KLK14: variants seen among roughly 807,000 people sequenced by gnomAD.
KLK14 encodes the protein kallikrein related peptidase 14, also known as kallikrein-14.
KLK14 carries 21 observed loss-of-function variants against 24.6 expected under a neutral mutation model. The observed-to-expected ratio is 0.85, with a 90% CI of 0.61 to 1.23. The LOEUF is 1.23. Ranked by LOEUF, KLK14 falls within the 50% of genes most tolerant of loss-of-function variation. The pLI is 0.00. For missense variants in KLK14, 320 were observed against 338.9 expected (o/e 0.94, Z 0.44); for synonymous variants, 133 against 139.7 (o/e 0.95, Z 0.34).
At chr19:51,081,134 A>G (rs917944367) in intron 3 of KLK14, among the ~76,000 whole-genome samples, 3 of 152,216 alleles carry the variant, frequency 2.0e-5, no homozygotes, top group Admixed American at 6.5e-5. Context: ...ATTTATGGCT[A>G]GACTGCAGGT....
rs186402514 is a variant in KLK14, at chr19:51,081,499, C to A, written c.212+33G>T. 652 of 1,441,770 alleles carry A rather than the reference C, an allele frequency of 4.5e-4. 8 individuals carry two copies. In the East Asian group the frequency reaches 0.015, roughly 34 times the overall value. The allele number at this position is 1,441,770 out of a possible 1,614,324, so 89.3% of individuals were successfully genotyped here. ...CTAGGGCTTTAGACTCTGGAATTCA[C>A]TAGGTACAGGGACAGGGGAGGGGGT... is the stretch of plus-strand genomic sequence containing the variant. On this transcript the variant is annotated intron_variant, in intron 3 of 5. Coordinates refer to ENST00000650543, the MANE Select transcript of KLK14 (RefSeq NM_001369775.2).
intron 3 of KLK14, among the ~76,000 whole-genome samples, 164 bp from the exon 4 acceptor site, chr19:51,079,866 T>A (rs965273381): frequency 9.9e-5 from 15 of 152,108 alleles, no homozygotes; most frequent in Admixed American, 9.2e-4. Flanking sequence ...CCCTTCCCCA[T>A]GGCCAGGGCA....
At chr19:51,080,725 G>A (rs2091834441) in intron 3 of KLK14, among the ~76,000 whole-genome samples, 1 of 152,116 alleles carries the variant, frequency 6.6e-6, no homozygotes, top group Non-Finnish European at 1.5e-5. Context: ...CTAGCCTGGA[G>A]TGCAATGGTG....
In KLK14 at chr19:51,078,889, T is replaced by G; in HGVS notation, c.529A>C (p.Lys177Gln). Reference protein sequence around the residue: ...INISPDEVCQKAYPRTITPGM... With the variant: ...INISPDEVCQQAYPRTITPGM... ...GGCGTGATGGTTCTAGGATAGGCCT[T>G]CTGGCACACCTCATCCGGGGAGATG... The change falls in exon 5 of 6, where the codon AAG becomes CAG. Residue 177 changes from lysine to glutamine, a missense_variant. By Grantham distance (53) the Lys-to-Gln change is moderately conservative. Coordinates refer to ENST00000650543, the MANE Select transcript of KLK14 (RefSeq NM_001369775.2). This position sits in a 1 kb window ranked among gnomAD's most constrained non-coding sequence, Gnocchi z 5.0. 2 of 1,614,098 alleles carry G rather than the reference T, an allele frequency of 1.2e-6. No homozygotes were observed. Among genetic ancestry groups the G allele is most frequent in the South Asian group, 1.1e-5 (1 of 91,088 alleles).
chr19:51,079,406 C>T, intron 4 of KLK14, 43 bp downstream of exon 4: 1 of 1,548,800 alleles, frequency 6.5e-7, no homozygotes, highest in East Asian at 2.3e-5. Context: ...GACCCAGGAG[C>T]CCAGGCCCAG....
Position 51,082,696 on chromosome 19 carries a change from AGGCAGAGACAGCAAGG to A in KLK14, c.-23+10_-23+25del, listed in dbSNP as rs1431568578. 6.2e-7 allele frequency: 1 copy of A among 1,614,200 alleles called. No homozygotes were observed. Among genetic ancestry groups the A allele is most frequent in the South Asian group, 1.1e-5 (1 of 91,088 alleles). ...ACCTTCAACAGAACCGGGGGCTGAG[AGGCAGAGACAGCAAGG>A]GGCACTTACCCAGAGCCCAAGACCC... On this transcript the variant is annotated intron_variant, in intron 1 of 5. Coordinates refer to ENST00000650543, the MANE Select transcript of KLK14 (RefSeq NM_001369775.2).
downstream of KLK14, chr19:51,077,832 C>T: frequency 2.0e-6 from 1 of 488,286 alleles, no homozygotes; most frequent in Non-Finnish European, 3.4e-6. Context: ...GCCTGGACTC[C>T]TGGGTCTGAG....
At chr19:51,082,019 C>A (rs111811821) in intron 2 of KLK14, among the ~76,000 whole-genome samples, 1 of 152,026 alleles carries the variant, frequency 6.6e-6, no homozygotes, top group Admixed American at 6.6e-5. Flanking sequence ...GATCACTTCT[C>A]GAAATATGCC....
Position 51,082,785 on chromosome 19 carries a change from G to A in KLK14, c.-86C>T, listed in dbSNP as rs778341532. ...GAGAGGTAGGGACCAGAGACGAGGG[G>A]GGCGGGGCCTGCAGGCTCTGCGGGC... On this transcript the variant is annotated 5_prime_UTR_variant, in exon 1 of 6. Coordinates refer to ENST00000650543, the MANE Select transcript of KLK14 (RefSeq NM_001369775.2). The A allele has an allele frequency of 9.9e-6, 16 of 1,608,558 alleles. No homozygotes were observed. The highest frequency in any genetic ancestry group is 1.1e-5 in the Non-Finnish European group (13 of 1,177,814).
rs1307005032 is a variant in KLK14 at position 51,078,217 on chromosome 19, G to T, written c.604-58C>A. 1.3e-6 allele frequency: 2 copies of T among 1,565,764 alleles called. No individual in the cohort carries two copies. Among genetic ancestry groups the T allele is most frequent in the East Asian group, 2.3e-5 (1 of 44,032 alleles). On this transcript the variant is annotated intron_variant, in intron 5 of 5. Transcript: ENST00000650543. This position sits in a 1 kb window ranked among gnomAD's most constrained non-coding sequence, Gnocchi z 5.0. ...TGGACAGGTAGCCAGAGCCACCATG[G>T]CACAGAGAACCCGAGAAGCAGACAC... is the stretch of plus-strand genomic sequence containing the variant.
rs200505258 is a variant in KLK14, at chr19:51,078,909, G to A, written c.509C>T (p.Ser170Phe). The change falls in exon 5 of 6, where the codon TCC becomes TTC. Residue 170 changes from serine (S) to phenylalanine (F), a missense_variant. Ser to Phe is a radical substitution (Grantham distance 155, BLOSUM62 -2). Transcript: ENST00000650543. The surrounding 1 kb of genome is among the most constrained non-coding windows in gnomAD (Gnocchi z 5.0). ...GGCCTTCTGGCACACCTCATCCGGG[G>A]AGATGTTGATGTTCACGCATTGCAG... ...ASLQCVNINI[S>F]PDEVCQKAYP... The A allele has an allele frequency of 2.3e-4, 373 of 1,614,014 alleles. No individual in the cohort carries two copies. In the African/African-American group the frequency reaches 3.8e-3, roughly 16 times the overall value.
At position 51,078,267 on chromosome 19, in the gene KLK14, G is replaced by T; in HGVS notation, c.604-108C>A. Reference sequence around the variant, plus strand: ...CAGGGAGACAGGCAGAGACACTGGTGGACAGTTAGGGACACAGTCCTGCCC... The same window carrying T: ...CAGGGAGACAGGCAGAGACACTGGTTGACAGTTAGGGACACAGTCCTGCCC... On this transcript the variant is annotated intron_variant, in intron 5 of 5. Coordinates refer to ENST00000650543, the MANE Select transcript of KLK14 (RefSeq NM_001369775.2). The surrounding 1 kb of genome is among the most constrained non-coding windows in gnomAD (Gnocchi z 5.0). The T allele has an allele frequency of 8.7e-7, 1 of 1,154,172 alleles. No homozygotes were observed. 71.5% of individuals were successfully genotyped at this position (1,154,172 alleles called of 1,614,324 possible). A position where few individuals can be genotyped will look rare whatever the true frequency, so the allele number is the denominator to read the frequency against.
chr19:51,077,997 G>A lies in KLK14; in HGVS notation c.*10C>T, dbSNP rs16988877. The A allele has an allele frequency of 0.015, 23,406 of 1,612,228 alleles. 1,218 individuals are homozygous for A. In the African/African-American group the frequency reaches 0.15, roughly 10 times the overall value. ...GGCAGCTGACGAGGTCCATCCCACC[G>A]TGAAGACCATCATTTGTCCCGCATC... On this transcript the variant is annotated 3_prime_UTR_variant, in exon 6 of 6. Coordinates refer to ENST00000650543, the MANE Select transcript of KLK14 (RefSeq NM_001369775.2).
In KLK14 at chr19:51,078,826, C is replaced by G; in HGVS notation, c.592G>C (p.Asp198His). The G allele has an allele frequency of 6.2e-7, 1 of 1,613,736 alleles. No individual in the cohort carries two copies. Among genetic ancestry groups the G allele is most frequent in the South Asian group, 1.1e-5 (1 of 91,046 alleles). The change falls in exon 5 of 6, where the codon GAC becomes CAC. Residue 198 changes from aspartate to histidine, a missense_variant. Transcript: ENST00000650543. The surrounding 1 kb of genome is among the most constrained non-coding windows in gnomAD (Gnocchi z 5.0). ...VCAGVPQGGK[D>H]SCQGDSGGPL... is the part of the protein sequence containing the mutation. ...ATCCTGGGCCTTACCTGACAAGAGT[C>G]CTTCCCGCCCTGGGGAACTCCTGCA...
intron 3 of KLK14, among the ~76,000 whole-genome samples, chr19:51,080,471 C>G (rs10445581): frequency 0.39 from 59,761 of 152,070 alleles, 13,162 homozygotes; most frequent in African/African-American, 0.58. Flanking sequence ...ATTCTAGAGT[C>G]TGGTTTGCAT....
At position 51,079,651 on chromosome 19, in the gene KLK14, G is replaced by T. The variant is rs751847130; in HGVS notation, c.264C>A (p.Thr88=). ...GACGAACCACGCGCAGCACCTGCTG[G>T]GTGGCCTCCCACCTCCTCAGGTTGT... ...GKHNLRRWEA[T]QQVLRVVRQV... is the part of the protein sequence containing the mutation. Residue 88 remains threonine (T), a synonymous_variant, in exon 4 of 6, where the codon ACC becomes ACA. Coordinates refer to ENST00000650543, the MANE Select transcript of KLK14 (RefSeq NM_001369775.2). The T allele has an allele frequency of 4.4e-6, 7 of 1,596,462 alleles. No individual in the cohort carries two copies. In the African/African-American group the frequency reaches 9.4e-5, roughly 21 times the overall value.
At chr19:51,082,447 C>T (rs2091846244) in intron 2 of KLK14, 128 bp downstream of exon 2, 1 of 825,728 alleles carries the variant, frequency 1.2e-6, no homozygotes, top group Non-Finnish European at 2.0e-6. Flanking sequence ...CCCACCATGA[C>T]CCCCAAACCA....
Position 51,078,927 on chromosome 19 carries a change from C to A in KLK14, c.491G>T (p.Cys164Phe), listed in dbSNP as rs368934772. 2 of 1,613,994 alleles carry A rather than the reference C, an allele frequency of 1.2e-6. No individual in the cohort carries two copies. Among genetic ancestry groups the A allele is most frequent in the Non-Finnish European group, 1.7e-6 (2 of 1,179,932 alleles). Residue 164 changes from cysteine (C) to phenylalanine (F), a missense_variant, in exon 5 of 6, where the codon TGC becomes TTC. Physicochemically the swap from Cys to Phe is radical, Grantham distance 205 (BLOSUM62 -2). Coordinates refer to ENST00000650543, the MANE Select transcript of KLK14 (RefSeq NM_001369775.2). This position sits in a 1 kb window ranked among gnomAD's most constrained non-coding sequence, Gnocchi z 5.0. Reference sequence around the variant, plus strand: ...ATCCGGGGAGATGTTGATGTTCACGCATTGCAGAGAGGCGGGGTACCTGGC... The same window carrying A: ...ATCCGGGGAGATGTTGATGTTCACGAATTGCAGAGAGGCGGGGTACCTGGC... ...PIARYPASLQ[C>F]VNINISPDEV...
At chr19:51,081,822 C>T (rs544065465) in intron 2 of KLK14, 119 bp from the exon 3 acceptor site, 97 of 905,812 alleles carry the variant, frequency 1.1e-4, no homozygotes, top group Admixed American at 1.9e-4. Context: ...CTAAACTGCC[C>T]GCCTCTATCT....
Sources: allele counts gnomAD v4.1 joint callset (sites outside exome capture counted in the v4.1 genomes callset), GRCh38; gene constraint gnomAD v4.1.1; non-coding constraint Gnocchi (gnomAD v3.1); transcripts MANE v1.5; gene names NCBI Gene and HGNC (gene_info 2026-07-23, HGNC 2026-07-21).